Variants in PRR5L observed in about 807,000 individuals in gnomAD.
PRR5L encodes the protein proline rich 5 like, also known as proline-rich protein 5-like.
A neutral mutation model predicts 36.4 loss-of-function variants in PRR5L; 21 were observed. The ratio of observed to expected loss-of-function variants is 0.58; its 90% CI spans 0.41 to 0.83. PRR5L has a LOEUF of 0.83. Ranked by LOEUF, PRR5L falls within the 40% of genes least tolerant of loss-of-function variation. PRR5L has a pLI of 0.00. For missense variants in PRR5L, 381 were observed against 473.3 expected (o/e 0.80, Z 1.81); for synonymous variants, 188 against 197.0 (o/e 0.95, Z 0.38).
intron 7 of PRR5L, 146 bp from the exon 8 acceptor site, chr11:36,451,063 T>A: frequency 1.1e-6 from 1 of 947,694 alleles, no homozygotes; most frequent in South Asian, 1.6e-5. Context: ...AGGCCTCAGT[T>A]TCCTTCATCC....
chr11:36,405,356 T>C (rs1221259639), intron 3 of PRR5L, among the ~76,000 whole-genome samples: 10 of 152,216 alleles, frequency 6.6e-5, no homozygotes, highest in Admixed American at 6.5e-4. Flanking sequence ...TGTTGGTAAA[T>C]AATCCAAATT....
chr11:36,448,132 T>C (rs1050215328), intron 7 of PRR5L, among the ~76,000 whole-genome samples: 2 of 152,102 alleles, frequency 1.3e-5, no homozygotes, highest in African/African-American at 4.8e-5. Context: ...CAGGAGGGCC[T>C]GTGTCTATCA....
intron 2 of PRR5L, among the ~76,000 whole-genome samples, chr11:36,402,518 C>T (rs891497415): frequency 2.6e-5 from 4 of 152,226 alleles, no homozygotes; most frequent in South Asian, 2.1e-4. Context: ...GCTGGGATTA[C>T]AGGCGTGAGC....
chr11:36,397,443 C>CTTTT lies in PRR5L; in HGVS notation c.-125-3527_-125-3524dup, dbSNP rs34024197. 4.7e-3 allele frequency among the ~76,000 whole-genome samples: 165 copies of CTTTT among 35,122 alleles called. 35 individuals carry two copies. The highest frequency in any genetic ancestry group is 0.01 in the African/African-American group (90 of 8,808). 23.0% of individuals were successfully genotyped at this position (35,122 alleles called of 152,430 possible). ...TTCATGTCAGCCAGGCAGCCGATGC[C>CTTTT]TTTTTTTTTTTTTTTTTTTTTTTTT... On this transcript the variant is annotated intron_variant, in intron 1 of 8. Coordinates refer to ENST00000530639, the MANE Select transcript of PRR5L (RefSeq NM_001160167.2).
At chr11:36,408,594 G>C (rs913879610) in intron 3 of PRR5L, among the ~76,000 whole-genome samples, 1 of 152,138 alleles carries the variant, frequency 6.6e-6, no homozygotes, top group Non-Finnish European at 1.5e-5. Context: ...TGGGGTGTTA[G>C]TGCGGTTTTT....
intron 8 of PRR5L, among the ~76,000 whole-genome samples, chr11:36,458,630 G>A (rs1859114512): frequency 1.3e-5 from 2 of 152,228 alleles, no homozygotes; most frequent in South Asian, 4.1e-4. Context: ...GATGGATGTA[G>A]GCAGGTCTTG....
chr11:36,388,694 CTTTCTT>C (rs1241008126), intron 1 of PRR5L, among the ~76,000 whole-genome samples: 2 of 112,822 alleles, frequency 1.8e-5, no homozygotes, highest in Non-Finnish European at 3.4e-5. Context: ...TCGGCTCTTT[CTTTCTT>C]TTTTTTTTTT....
chr11:36,365,351 A>G (rs7925585), intron 1 of PRR5L, among the ~76,000 whole-genome samples: 48,500 of 151,926 alleles, frequency 0.32, 8,640 homozygotes, highest in East Asian at 0.67. Flanking sequence ...CTCAATTAAG[A>G]TCTCCCCTCG....
intron 1 of PRR5L, among the ~76,000 whole-genome samples, chr11:36,359,089 T>C (rs1857058175): frequency 6.6e-6 from 1 of 152,148 alleles, no homozygotes; most frequent in Non-Finnish European, 1.5e-5. Flanking sequence ...TGCATTTGAG[T>C]CCCAGTGCTG....
intron 1 of PRR5L, among the ~76,000 whole-genome samples, chr11:36,383,943 G>A (rs144603859): frequency 2.0e-5 from 3 of 152,132 alleles, no homozygotes; most frequent in South Asian, 2.1e-4. Context: ...TGATCTGCCC[G>A]CCTCGGCCTC....
chr11:36,315,818 A>G (rs757408728), intron 1 of PRR5L, among the ~76,000 whole-genome samples: 2 of 152,234 alleles, frequency 1.3e-5, no homozygotes, highest in Non-Finnish European at 2.9e-5. Context: ...CTGTGTGATA[A>G]TTAGACATAA....
At chr11:36,320,854 T>C (rs1442038542) in intron 1 of PRR5L, among the ~76,000 whole-genome samples, 3 of 152,208 alleles carry the variant, frequency 2.0e-5, no homozygotes, top group Admixed American at 1.3e-4. Context: ...GTTGTGTGGA[T>C]TAAATGAGAT....
chr11:36,309,546 A>G (rs961383218), intron 1 of PRR5L, among the ~76,000 whole-genome samples: 1 of 100,106 alleles, frequency 1.0e-5, no homozygotes, highest in Non-Finnish European at 2.1e-5. Flanking sequence ...TCAACAGGTA[A>G]ACCTGAGAAC....
At chr11:36,398,373 G>T (rs1458649687) in intron 1 of PRR5L, 1 of 152,370 alleles carries the variant, frequency 6.6e-6, no homozygotes, top group East Asian at 1.9e-4. Flanking sequence ...GCGCCTGCCG[G>T]GCCAGCGCTG....
rs1350197260 is a variant in PRR5L, at chr11:36,350,983, TA to T, written c.-125-50013del. 1.0e-4 allele frequency among the ~76,000 whole-genome samples: 9 copies of T among 89,182 alleles called. 2 individuals carry two copies. Among genetic ancestry groups the T allele is most frequent in the African/African-American group, 4.4e-4 (9 of 20,542 alleles). 58.5% of individuals were successfully genotyped at this position (89,182 alleles called of 152,430 possible). ...ATATTTATATATTTATATATATTTA[TA>T]TATTTATATATTTATATATATTTAT... On this transcript the variant is annotated intron_variant, in intron 1 of 8. Transcript: ENST00000530639.
chr11:36,431,473 A>T (rs1858492895), intron 4 of PRR5L, among the ~76,000 whole-genome samples: 1 of 151,614 alleles, frequency 6.6e-6, no homozygotes, highest in African/African-American at 2.4e-5. Flanking sequence ...TTAAAAAAAA[A>T]TATGTTATTT....
intron 6 of PRR5L, among the ~76,000 whole-genome samples, chr11:36,442,970 C>A (rs1858754190): frequency 6.6e-6 from 1 of 152,168 alleles, no homozygotes; most frequent in Admixed American, 6.5e-5. Flanking sequence ...GAGCTGCTTC[C>A]ACACCTTCAG....
intron 1 of PRR5L, among the ~76,000 whole-genome samples, chr11:36,393,558 C>G (rs1221731508): frequency 6.6e-6 from 1 of 152,166 alleles, no homozygotes; most frequent in East Asian, 1.9e-4. Context: ...TATGCCAGTA[C>G]TATGCTGTTT....
At chr11:36,317,280 A>G (rs1188315170) in intron 1 of PRR5L, among the ~76,000 whole-genome samples, 1 of 152,202 alleles carries the variant, frequency 6.6e-6, no homozygotes, top group African/African-American at 2.4e-5. Context: ...GTCAGGCTTA[A>G]ACCCCAGCTC....
Sources: allele counts gnomAD v4.1 joint callset (sites outside exome capture counted in the v4.1 genomes callset), GRCh38; gene constraint gnomAD v4.1.1; transcripts MANE v1.5; gene names NCBI Gene and HGNC (gene_info 2026-07-23, HGNC 2026-07-21).